NKAIN3: variants seen among roughly 807,000 people sequenced by gnomAD.
The protein encoded by NKAIN3 is sodium/potassium transporting ATPase interacting 3, also known as sodium/potassium-transporting ATPase subunit beta-1-interacting protein 3.
NKAIN3 carries 25 observed loss-of-function variants against 30.2 expected under a neutral mutation model. The observed-to-expected ratio is 0.83, with a 90% CI of 0.60 to 1.16. The LOEUF (loss-of-function observed/expected upper bound fraction) is 1.16. NKAIN3 is among the 50% of genes most tolerant of loss of function. The pLI is 0.00. For missense variants in NKAIN3, 225 were observed against 254.1 expected, an observed-to-expected ratio of 0.89 and a Z score of 0.78; for synonymous variants, 91 against 89.6, an observed-to-expected ratio of 1.02 and a Z score of -0.09.
intron 3 of NKAIN3, among the ~76,000 whole-genome samples, chr8:62,728,016 A>G (rs945376496): frequency 6.6e-6 from 1 of 152,220 alleles, no homozygotes; most frequent in Non-Finnish European, 1.5e-5. Context: ...ATATGGGTCT[A>G]TATTTGGCCT....
intron 1 of NKAIN3, among the ~76,000 whole-genome samples, chr8:62,442,758 T>C (rs1472512321): frequency 6.6e-6 from 1 of 152,010 alleles, no homozygotes; most frequent in Non-Finnish European, 1.5e-5. Flanking sequence ...ATGCCCTCAA[T>C]TGTTGATATA....
intron 4 of NKAIN3, among the ~76,000 whole-genome samples, chr8:62,875,422 T>C (rs1230417649): frequency 2.6e-5 from 4 of 152,124 alleles, no homozygotes; most frequent in Admixed American, 2.6e-4. Flanking sequence ...ATAGATTCAA[T>C]GCCATTCCCA....
At chr8:62,528,340 A>AATATATT (rs1554543403) in intron 1 of NKAIN3, among the ~76,000 whole-genome samples, 12 of 27,668 alleles carry the variant, frequency 4.3e-4, no homozygotes, top group African/African-American at 1.7e-3. Flanking sequence ...TATATTATAT[A>AATATATT]ATATATATAT....
chr8:62,429,992 C>A (rs1307379678), intron 1 of NKAIN3, among the ~76,000 whole-genome samples: 1 of 151,816 alleles, frequency 6.6e-6, no homozygotes, highest in Non-Finnish European at 1.5e-5. Flanking sequence ...TGAACATTAA[C>A]TTTCCATTCT....
chr8:62,430,633 A>G (rs935103698), intron 1 of NKAIN3, among the ~76,000 whole-genome samples: 2 of 151,888 alleles, frequency 1.3e-5, no homozygotes, highest in African/African-American at 4.8e-5. Flanking sequence ...AGTCAAAATA[A>G]GAACTTTGCA....
intron 5 of NKAIN3, among the ~76,000 whole-genome samples, chr8:62,931,950 C>T (rs991180046): frequency 1.3e-5 from 2 of 152,186 alleles, no homozygotes; most frequent in Non-Finnish European, 2.9e-5. Context: ...CTCCTGTACG[C>T]ATTGAAATGT....
At chr8:62,592,952 A>G (rs1810702300) in intron 3 of NKAIN3, among the ~76,000 whole-genome samples, 1 of 152,030 alleles carries the variant, frequency 6.6e-6, no homozygotes, top group African/African-American at 2.4e-5. Context: ...CATGAGGTAA[A>G]AACTGGCAAT....
At chr8:62,685,252 T>G (rs1813761964) in intron 3 of NKAIN3, among the ~76,000 whole-genome samples, 1 of 152,192 alleles carries the variant, frequency 6.6e-6, no homozygotes, top group South Asian at 2.1e-4. Context: ...TCAAACTGGA[T>G]TCAAGAAGAC....
chr8:62,270,084 TTTTG>T (rs983551262), intron 1 of NKAIN3, among the ~76,000 whole-genome samples: 3 of 152,058 alleles, frequency 2.0e-5, no homozygotes, highest in Non-Finnish European at 2.9e-5. Context: ...GATCACAGAG[TTTTG>T]TTTGTTTGTT....
intron 3 of NKAIN3, among the ~76,000 whole-genome samples, chr8:62,622,633 C>A (rs1368123288): frequency 3.3e-5 from 5 of 151,886 alleles, no homozygotes; most frequent in Non-Finnish European, 7.4e-5. Flanking sequence ...GGTTCTTTTA[C>A]TGTGAAATTT....
At chr8:62,350,890 A>G (rs1431408089) in intron 1 of NKAIN3, among the ~76,000 whole-genome samples, 1 of 151,604 alleles carries the variant, frequency 6.6e-6, no homozygotes, top group African/African-American at 2.4e-5. Context: ...GGGTTTCACC[A>G]TGTTGGACAG....
chr8:62,404,302 G>T (rs1018079454), intron 1 of NKAIN3, among the ~76,000 whole-genome samples: 1 of 152,186 alleles, frequency 6.6e-6, no homozygotes. Flanking sequence ...GGAAGGGCAT[G>T]ATTGTGTTTT....
At chr8:62,856,074 A>G (rs1187858531) in intron 4 of NKAIN3, 10 of 702,316 alleles carry the variant, frequency 1.4e-5, no homozygotes, top group Non-Finnish European at 2.6e-5. Flanking sequence ...CCCCATGAGC[A>G]TCAAACCTGG....
intron 4 of NKAIN3, among the ~76,000 whole-genome samples, chr8:62,916,979 A>G (rs1441813827): frequency 6.6e-6 from 1 of 151,664 alleles, no homozygotes; most frequent in East Asian, 1.9e-4. Context: ...TTCTCGGATG[A>G]TCAGCCTCCC....
intron 1 of NKAIN3, among the ~76,000 whole-genome samples, chr8:62,521,478 C>T (rs977939479): frequency 1.3e-5 from 2 of 151,998 alleles, no homozygotes; most frequent in Non-Finnish European, 2.9e-5. Context: ...GCAGTAAATC[C>T]CATGTGTATT....
At chr8:62,986,006 G>C (rs1824192071), downstream of NKAIN3, among the ~76,000 whole-genome samples, 1 of 152,128 alleles carries the variant, frequency 6.6e-6, no homozygotes, top group Non-Finnish European at 1.5e-5. Flanking sequence ...CAAATTTTAA[G>C]AAGAAAAGTT....
chr8:62,355,937 A>G (rs1287082226), intron 1 of NKAIN3, among the ~76,000 whole-genome samples: 1 of 152,170 alleles, frequency 6.6e-6, no homozygotes, highest in African/African-American at 2.4e-5. Flanking sequence ...ATATTTCATG[A>G]TCTCTAAAAA....
At chr8:62,435,400 A>T (rs976296080) in intron 1 of NKAIN3, among the ~76,000 whole-genome samples, 13 of 152,170 alleles carry the variant, frequency 8.5e-5, no homozygotes, top group Admixed American at 2.0e-4. Flanking sequence ...TGACAGAATT[A>T]GTATGTGGAG....
intron 3 of NKAIN3, among the ~76,000 whole-genome samples, chr8:62,600,762 T>G (rs572286023): frequency 1.3e-5 from 2 of 152,212 alleles, no homozygotes; most frequent in Admixed American, 1.3e-4. Flanking sequence ...TGACTTAAAT[T>G]TTTTGACTTA....
Sources: allele counts gnomAD v4.1 joint callset (sites outside exome capture counted in the v4.1 genomes callset), GRCh38; gene constraint gnomAD v4.1.1; transcripts MANE v1.5; gene names NCBI Gene and HGNC (gene_info 2026-07-23, HGNC 2026-07-21).